Variants in PTPRA observed in about 807,000 individuals in gnomAD.
PTPRA encodes the protein protein tyrosine phosphatase receptor type A, also known as receptor-type tyrosine-protein phosphatase alpha.
A neutral mutation model predicts 104.8 loss-of-function variants in PTPRA; 25 were observed. The ratio of observed to expected loss-of-function variants is 0.24; its 90% CI spans 0.17 to 0.33. The LOEUF is 0.33. Among genes scored for constraint, PTPRA ranks in the 10% least tolerant of loss-of-function variants. The probability of loss-of-function intolerance (pLI) is 1.00; values close to 1 mark genes in which losing one functional copy is unlikely to be tolerated. For missense variants in PTPRA, 765 were observed against 1,015.3 expected (o/e 0.75, Z 3.35); for synonymous variants, 323 against 368.9 (o/e 0.88, Z 1.43).
At chr20:2,958,729 C>T (rs1488598572) in intron 3 of PTPRA, among the ~76,000 whole-genome samples, 1 of 149,250 alleles carries the variant, frequency 6.7e-6, no homozygotes, top group African/African-American at 2.5e-5. Flanking sequence ...CGCCTGTAAT[C>T]CCAGCTACTT....
At chr20:3,009,126 G>A (rs923727997) in intron 11 of PTPRA, among the ~76,000 whole-genome samples, 3 of 152,176 alleles carry the variant, frequency 2.0e-5, no homozygotes, top group Non-Finnish European at 2.9e-5. Context: ...GCTCATGGTT[G>A]TGTACTGAAC....
chr20:3,007,778 A>G (rs2063941567), intron 11 of PTPRA, among the ~76,000 whole-genome samples: 1 of 151,680 alleles, frequency 6.6e-6, no homozygotes, highest in Admixed American at 6.6e-5. Context: ...CTGACATGAC[A>G]CCAGCTATAT....
chr20:2,918,704 A>G (rs1044164579), intron 1 of PTPRA, among the ~76,000 whole-genome samples: 1 of 152,244 alleles, frequency 6.6e-6, no homozygotes, highest in African/African-American at 2.4e-5. Flanking sequence ...CATTTCAAAC[A>G]GGGCTTTAAA....
chr20:2,971,983 A>G (rs968124525), intron 5 of PTPRA, among the ~76,000 whole-genome samples: 17 of 151,962 alleles, frequency 1.1e-4, no homozygotes, highest in Non-Finnish European at 2.2e-4. Flanking sequence ...ACAGGCACGC[A>G]CCACCATGCC....
chr20:2,885,751 T>G (rs2090344384), intron 1 of PTPRA, among the ~76,000 whole-genome samples: 1 of 152,064 alleles, frequency 6.6e-6, no homozygotes, highest in South Asian at 2.1e-4. Context: ...AAAAAAAAAG[T>G]ACACGAACTG....
chr20:2,884,398 C>G (rs957691430), intron 1 of PTPRA, among the ~76,000 whole-genome samples: 1 of 152,172 alleles, frequency 6.6e-6, no homozygotes, highest in Non-Finnish European at 1.5e-5. Flanking sequence ...TTTCTCCCAG[C>G]AATGCTTAGG....
At position 3,035,456 on chromosome 20, in the gene PTPRA, A is replaced by G. The variant is rs1039611220; in HGVS notation, c.1921-129A>G. 9 of 1,105,684 alleles carry G rather than the reference A, an allele frequency of 8.1e-6. No individual in the cohort carries two copies. Among genetic ancestry groups the G allele is most frequent in the Middle Eastern group, 2.5e-4 (1 of 4,040 alleles). 68.5% of individuals were successfully genotyped at this position (1,105,684 alleles called of 1,614,324 possible). ...GATATAATGATCCTGCAAGTTTTCA[A>G]TACCTTGGGGACGAAGCGTATCAGC... On this transcript the variant is annotated intron_variant, in intron 20 of 23. Coordinates refer to ENST00000399903, the MANE Select transcript of PTPRA (RefSeq NM_001385305.1). The surrounding 1 kb of genome is among the most constrained non-coding windows in gnomAD (Gnocchi z 5.8).
At chr20:2,947,567 T>C (rs916115826) in intron 2 of PTPRA, among the ~76,000 whole-genome samples, 9 of 152,198 alleles carry the variant, frequency 5.9e-5, no homozygotes, top group African/African-American at 2.2e-4. Context: ...ATGAGTTTTC[T>C]AGGCTTTCAT....
At chr20:2,971,299 A>G (rs902465909) in intron 5 of PTPRA, among the ~76,000 whole-genome samples, 1 of 151,952 alleles carries the variant, frequency 6.6e-6, no homozygotes, top group African/African-American at 2.4e-5. Context: ...AATATATTCC[A>G]TTTTCTGAAG....
chr20:2,865,119 C>G, the PTPRA span: 1 of 1,614,120 alleles, frequency 6.2e-7, no homozygotes, highest in Non-Finnish European at 8.5e-7. The surrounding 1 kb of genome is among the most constrained non-coding windows in gnomAD (Gnocchi z 5.2). Context: ...TCCCTCATCC[C>G]CATCATGCCT....
intron 13 of PTPRA, among the ~76,000 whole-genome samples, chr20:3,020,120 G>GT (rs1221031696): frequency 2.0e-4 from 30 of 151,316 alleles, no homozygotes; most frequent in East Asian, 2.0e-4. Flanking sequence ...GTTTTGTTTT[G>GT]TTTTTTGAGA....
intron 6 of PTPRA, among the ~76,000 whole-genome samples, chr20:2,980,683 C>T (rs145769172): frequency 6.6e-6 from 1 of 152,178 alleles, no homozygotes; most frequent in Non-Finnish European, 1.5e-5. Flanking sequence ...CCCCCTCCCC[C>T]CATCTCTACA....
At chr20:2,875,174 G>A (rs151107665) in intron 1 of PTPRA, among the ~76,000 whole-genome samples, 1 of 151,990 alleles carries the variant, frequency 6.6e-6, no homozygotes, top group Non-Finnish European at 1.5e-5. Context: ...TTCGTGTTTT[G>A]AAGGCCTGCT....
intron 1 of PTPRA, among the ~76,000 whole-genome samples, chr20:2,912,476 T>C (rs2059757978): frequency 6.6e-6 from 1 of 151,982 alleles, no homozygotes; most frequent in Non-Finnish European, 1.5e-5. Context: ...ATACAAAAAT[T>C]AGCTGGGCAT....
At chr20:2,927,030 A>T (rs1426413967) in intron 2 of PTPRA, among the ~76,000 whole-genome samples, 1 of 151,716 alleles carries the variant, frequency 6.6e-6, no homozygotes, top group Admixed American at 6.6e-5. Context: ...GCCTCAAGTG[A>T]TCCGCCCGCC....
chr20:2,925,152 C>G (rs1361656643), intron 2 of PTPRA, among the ~76,000 whole-genome samples: 1 of 152,106 alleles, frequency 6.6e-6, no homozygotes, highest in African/African-American at 2.4e-5. Flanking sequence ...TTTCATCTCC[C>G]CAAACTGAAA....
chr20:2,981,239 G>A (rs565301409), intron 6 of PTPRA, among the ~76,000 whole-genome samples: 2 of 152,184 alleles, frequency 1.3e-5, no homozygotes, highest in African/African-American at 4.8e-5. Flanking sequence ...TTTTAAATTG[G>A]ATAATAGTAT....
chr20:2,894,502 C>G (rs920765231), intron 1 of PTPRA, among the ~76,000 whole-genome samples: 1 of 152,008 alleles, frequency 6.6e-6, no homozygotes, highest in East Asian at 1.9e-4. Flanking sequence ...GAGATGGAGT[C>G]TTGCTGTGTT....
intron 19 of PTPRA, among the ~76,000 whole-genome samples, 193 bp from the exon 20 acceptor site, chr20:3,027,514 C>T (rs914885137): frequency 6.6e-6 from 1 of 152,244 alleles, no homozygotes; most frequent in African/African-American, 2.4e-5. Flanking sequence ...GCTCTAATCC[C>T]TGTTCCACTT....
Sources: gnomAD v4.1 joint callset for allele counts (sites outside exome capture counted in the v4.1 genomes callset) on GRCh38, gnomAD v4.1.1 for gene constraint, Gnocchi (gnomAD v3.1) non-coding constraint, MANE v1.5 for transcripts, NCBI Gene and HGNC (gene_info 2026-07-23, HGNC 2026-07-21) for gene names.